The following CSE1L variants were observed in gnomAD, a reference collection of about 807,000 sequenced individuals.
CSE1L encodes the protein exportin-2.
A neutral mutation model predicts 120.4 loss-of-function variants in CSE1L; 24 were observed. That is an observed-to-expected ratio of 0.20 (90% confidence interval 0.14 to 0.28). The LOEUF (loss-of-function observed/expected upper bound fraction) is 0.28, where lower values mean the gene tolerates loss of function less well. Ranked by LOEUF, CSE1L falls within the 10% of genes least tolerant of loss-of-function variation. CSE1L has a pLI of 1.00. For missense variants in CSE1L, 830 were observed against 1,145.2 expected (o/e 0.72, Z 3.97); for synonymous variants, 402 against 398.3 (o/e 1.01, Z -0.11).
chr20:49,088,950 CTAGTGGCATTACTAGGACT>C (rs1273356115), intron 17 of CSE1L, among the ~76,000 whole-genome samples: 2 of 152,140 alleles, frequency 1.3e-5, no homozygotes, highest in Non-Finnish European at 2.9e-5. Flanking sequence ...GAAGTTAAGG[CTAGTGGCATTACTAGGACT>C]TAGTATTTCT....
chr20:49,061,484 TTA>T (rs1491187170), intron 2 of CSE1L, among the ~76,000 whole-genome samples: 5 of 123,688 alleles, frequency 4.0e-5, no homozygotes, highest in Non-Finnish European at 8.6e-5. Context: ...AAAATTATTA[TTA>T]TTATTTATTT....
intron 1 of CSE1L, among the ~76,000 whole-genome samples, chr20:49,055,318 G>A (rs2091797859): frequency 6.6e-6 from 1 of 152,094 alleles, no homozygotes; most frequent in Non-Finnish European, 1.5e-5. Flanking sequence ...TTAGTAAAGG[G>A]TATATAGGCC....
intron 7 of CSE1L, 150 bp downstream of exon 7, chr20:49,068,972 A>G (rs2091913210): frequency 3.3e-6 from 2 of 606,830 alleles, no homozygotes; most frequent in Non-Finnish European, 5.8e-6. Context: ...GTTCTGTTCT[A>G]CAGTAGTTCT....
intron 13 of CSE1L, among the ~76,000 whole-genome samples, chr20:49,078,043 G>C (rs1225576263): frequency 6.6e-6 from 1 of 152,056 alleles, no homozygotes; most frequent in African/African-American, 2.4e-5. Context: ...GTTTATGAAT[G>C]TATTGATCTA....
rs2091892323 is a variant in CSE1L, at chr20:49,066,353, T to C, written c.331-12T>C. 6.2e-7 allele frequency: 1 copy of C among 1,614,020 alleles called. No homozygotes were observed. The highest frequency in any genetic ancestry group is 1.3e-5 in the African/African-American group (1 of 74,928). Reference sequence around the variant, plus strand: ...GTAAAGCTCTGATCTAATTAATCTTTTCCTCTCCTAGTTAAGTGATGCAAT... The same window carrying C: ...GTAAAGCTCTGATCTAATTAATCTTCTCCTCTCCTAGTTAAGTGATGCAAT... On this transcript the variant is annotated splice_polypyrimidine_tract_variant and intron_variant, in intron 4 of 24. Transcript: ENST00000262982.
intron 17 of CSE1L, 45 bp downstream of exon 17, chr20:49,088,151 C>G (rs752602381): frequency 1.5e-6 from 2 of 1,352,678 alleles, no homozygotes; most frequent in Admixed American, 1.8e-5. Context: ...TTTATTTGCT[C>G]CAAACTGTTT....
Position 49,072,274 on chromosome 20 carries a change from C to G in CSE1L, c.769-12C>G, listed in dbSNP as rs776542325. 1.2e-6 allele frequency: 2 copies of G among 1,611,600 alleles called. No homozygotes were observed. The highest frequency in any genetic ancestry group is 1.7e-6 in the Non-Finnish European group (2 of 1,178,990). ...AGTTGTATGTTGGAGTTTTTGTTTTCTTTTATGTGAGGATGAAGAGGAAGC... is the reference window on the plus strand; with the variant it reads ...AGTTGTATGTTGGAGTTTTTGTTTTGTTTTATGTGAGGATGAAGAGGAAGC... On this transcript the variant is annotated splice_polypyrimidine_tract_variant and intron_variant, in intron 8 of 24. Transcript: ENST00000262982.
chr20:49,067,324 A>AAAT (rs1328534211), intron 6 of CSE1L, 44 bp downstream of exon 6: 2 of 1,262,282 alleles, frequency 1.6e-6, no homozygotes, highest in Non-Finnish European at 2.3e-6. Flanking sequence ...AATATTTTAA[A>AAAT]TTGCTTGAAT....
chr20:49,082,312 C>T (rs1322980942), intron 14 of CSE1L, among the ~76,000 whole-genome samples: 2 of 151,472 alleles, frequency 1.3e-5, no homozygotes, highest in African/African-American at 4.9e-5. Flanking sequence ...CCACCACGCC[C>T]AGCAATTTTT....
At chr20:49,047,264 C>T (rs2091721113) in intron 1 of CSE1L, among the ~76,000 whole-genome samples, 1 of 152,072 alleles carries the variant, frequency 6.6e-6, no homozygotes, top group Non-Finnish European at 1.5e-5. Flanking sequence ...ACAGAATCTA[C>T]CTCGGAAAGT....
At chr20:49,091,281 C>G (rs2092099185) in intron 21 of CSE1L, among the ~76,000 whole-genome samples, 1 of 150,264 alleles carries the variant, frequency 6.7e-6, no homozygotes, top group Non-Finnish European at 1.5e-5. Context: ...CAAAATTAGC[C>G]AGGCATGGTG....
chr20:49,065,311 AAAT>A (rs557012536), intron 3 of CSE1L, among the ~76,000 whole-genome samples: 3,047 of 66,786 alleles, frequency 0.046, 311 homozygotes, highest in African/African-American at 0.12. Flanking sequence ...AATGAAAAAA[AAAT>A]TTTTTTTTTT....
chr20:49,061,799 G>A (rs780922516), intron 2 of CSE1L, among the ~76,000 whole-genome samples: 3 of 152,032 alleles, frequency 2.0e-5, no homozygotes, highest in East Asian at 1.9e-4. Flanking sequence ...CACCGCACCC[G>A]GCAATTATTT....
At chr20:49,086,676 T>C (rs1258901751) in intron 16 of CSE1L, among the ~76,000 whole-genome samples, 1 of 152,124 alleles carries the variant, frequency 6.6e-6, no homozygotes, top group East Asian at 1.9e-4. Context: ...TAATGTCCAT[T>C]TCTATGAGAG....
chr20:49,088,259 G>C (rs1385494390), intron 17 of CSE1L, among the ~76,000 whole-genome samples, 153 bp downstream of exon 17: 1 of 152,224 alleles, frequency 6.6e-6, no homozygotes, highest in Non-Finnish European at 1.5e-5. Context: ...GTGTGGGCAT[G>C]CTGTTAGATT....
At position 49,073,287 on chromosome 20, in the gene CSE1L, G is replaced by GC. The variant is rs1413199411; in HGVS notation, c.1066+591dup. On this transcript the variant is annotated intron_variant, in intron 10 of 24. Transcript: ENST00000262982. ...TTTAGCCTCCCAAAGTGCTGGGATT[G>GC]CATTTCTGAGCCACCTCGCCCAGAA... Among the ~76,000 whole-genome samples, 23 of 152,122 alleles carry GC rather than the reference G, an allele frequency of 1.5e-4. No individual in the cohort carries two copies. The East Asian group carries it at 4.3e-3, about 28-fold the overall frequency.
At chr20:49,063,821 A>G (rs1439165829) in intron 3 of CSE1L, among the ~76,000 whole-genome samples, 1 of 152,266 alleles carries the variant, frequency 6.6e-6, no homozygotes, top group Non-Finnish European at 1.5e-5. Context: ...AATCAGATAC[A>G]TAAAACATTT....
rs2091910774 is a variant in CSE1L at position 49,068,621 on chromosome 20, T to C, written c.568-94T>C. The C allele has an allele frequency of 3.7e-6, 3 of 809,836 alleles. No individual in the cohort carries two copies. In the African/African-American group the frequency reaches 5.2e-5, roughly 14 times the overall value. 50.2% of individuals were successfully genotyped at this position (809,836 alleles called of 1,614,324 possible). A position where few individuals can be genotyped will look rare whatever the true frequency, so the allele number is the denominator to read the frequency against. On this transcript the variant is annotated intron_variant, in intron 6 of 24. Coordinates refer to ENST00000262982, the MANE Select transcript of CSE1L (RefSeq NM_001316.4). ...CTCAAAAAAATAAATAAGTAAAATA[T>C]GAATAGTCTCAGCTTAGTGCAAGGC...
chr20:49,091,058 TGAAA>T, intron 21 of CSE1L, 36 bp downstream of exon 21: 1 of 1,318,668 alleles, frequency 7.6e-7, no homozygotes, highest in Non-Finnish European at 1.1e-6. Context: ...ACAGAAGTAA[TGAAA>T]GAAGGTAGCT....
Sources: allele counts gnomAD v4.1 joint callset (sites outside exome capture counted in the v4.1 genomes callset), GRCh38; gene constraint gnomAD v4.1.1; transcripts MANE v1.5; gene names NCBI Gene and HGNC (gene_info 2026-07-23, HGNC 2026-07-21).